Variants in USP3 observed in about 807,000 individuals in gnomAD.
USP3 encodes the protein ubiquitin carboxyl-terminal hydrolase 3.
USP3 carries 20 observed loss-of-function variants against 72.3 expected under a neutral mutation model. That is an observed-to-expected ratio of 0.28 (90% CI 0.19 to 0.40). The LOEUF (loss-of-function observed/expected upper bound fraction) is 0.40, where lower values mean the gene tolerates loss of function less well. Ranked by LOEUF, USP3 falls within the 10% of genes least tolerant of loss-of-function variation. USP3 has a pLI of 1.00. For missense variants in USP3, 479 were observed against 633.9 expected (o/e 0.76, Z 2.62); for synonymous variants, 222 against 225.3 (o/e 0.99, Z 0.13).
intron 1 of USP3, among the ~76,000 whole-genome samples, chr15:63,511,308 C>T (rs1210597797): frequency 4.9e-5 from 4 of 82,412 alleles, no homozygotes; most frequent in Admixed American, 1.5e-4. Flanking sequence ...TATTCAGTAA[C>T]TTAATGCTTG....
At chr15:63,547,816 TAGAG>T (rs138633272) in intron 3 of USP3, among the ~76,000 whole-genome samples, 82 of 19,310 alleles carry the variant, frequency 4.2e-3, no homozygotes, top group East Asian at 0.036. Flanking sequence ...GAGAGAGGCA[TAGAG>T]AGAGAGAGAG....
intron 3 of USP3, among the ~76,000 whole-genome samples, chr15:63,547,866 T>TAGAG (rs112905081): frequency 2.7e-3 from 56 of 20,788 alleles, no homozygotes; most frequent in South Asian, 0.023. Context: ...GAGAGAGGCA[T>TAGAG]AGAGAGAGAG....
intron 1 of USP3, among the ~76,000 whole-genome samples, chr15:63,505,439 G>A (rs906102936): frequency 8.5e-5 from 13 of 152,334 alleles, no homozygotes; most frequent in Non-Finnish European, 1.5e-4. Context: ...TCTTTCATCC[G>A]TCAGGGATGG....
Position 63,588,905 on chromosome 15 carries a change from G to A in USP3, c.1330-39G>A, listed in dbSNP as rs1211362409. The A allele has an allele frequency of 6.2e-7, 1 of 1,612,972 alleles. No homozygotes were observed. The highest frequency in any genetic ancestry group is 8.5e-7 in the Non-Finnish European group (1 of 1,178,954). Reference sequence around the variant, plus strand: ...AGAGGGTAGAGGTCATCGAGATACTGATGTCATTGACCACTGCTCCTTCTT... The same window carrying A: ...AGAGGGTAGAGGTCATCGAGATACTAATGTCATTGACCACTGCTCCTTCTT... On this transcript the variant is annotated intron_variant, in intron 13 of 14. Coordinates refer to ENST00000380324, the MANE Select transcript of USP3 (RefSeq NM_006537.4). The surrounding 1 kb of genome is among the most constrained non-coding windows in gnomAD (Gnocchi z 4.6).
chr15:63,536,983 C>G, intron 2 of USP3, 42 bp from the exon 3 acceptor site: 1 of 1,573,618 alleles, frequency 6.4e-7, no homozygotes, highest in Non-Finnish European at 8.6e-7. Flanking sequence ...CTTTAATTTC[C>G]AAAGCAATAT....
At position 63,527,103 on chromosome 15, in the gene USP3, C is replaced by T. The variant is rs536010976; in HGVS notation, c.92-5544C>T. Among the ~76,000 whole-genome samples the T allele has an allele frequency of 1.7e-4, 26 of 152,248 alleles. No homozygotes were observed. In the South Asian group the frequency reaches 5.4e-3, roughly 32 times the overall value. ...GTAGATATGGGGTTTCCCTGTGTTG[C>T]CCGGGCTGGTCTTGAACTCCTGGGC... On this transcript the variant is annotated intron_variant, in intron 1 of 14. Transcript: ENST00000380324.
intron 4 of USP3, among the ~76,000 whole-genome samples, chr15:63,556,131 T>C (rs1053402959): frequency 2.0e-5 from 3 of 152,252 alleles, no homozygotes; most frequent in African/African-American, 7.2e-5. Context: ...TAGAATGTCC[T>C]TTGGAGCGTA....
At position 63,588,435 on chromosome 15, in the gene USP3, A is replaced by G; in HGVS notation, c.1215+12A>G. The G allele has an allele frequency of 1.3e-6, 2 of 1,569,766 alleles. No individual in the cohort carries two copies. The highest frequency in any genetic ancestry group is 2.2e-5 in the East Asian group (1 of 44,636). ...AAAAACTACCCAAGGTGAGTGTTGA[A>G]TTTTGAGTTATGAAGCAATTTCAAT... is the stretch of plus-strand genomic sequence containing the variant. On this transcript the variant is annotated intron_variant, in intron 12 of 14. Coordinates refer to ENST00000380324, the MANE Select transcript of USP3 (RefSeq NM_006537.4). The surrounding 1 kb of genome is among the most constrained non-coding windows in gnomAD (Gnocchi z 4.6).
chr15:63,522,973 G>A (rs760126013), intron 1 of USP3, among the ~76,000 whole-genome samples: 1 of 152,128 alleles, frequency 6.6e-6, no homozygotes, highest in Non-Finnish European at 1.5e-5. Flanking sequence ...GTACTTAAAT[G>A]TTTTACCTGA....
rs1014728253 is a variant in USP3 at position 63,569,231 on chromosome 15, G to A, written c.762-1202G>A. ...TAAGGTACCTCCTTAGATATACAAA[G>A]GAACTACCAACTTTGAATGCTTTTG... On this transcript the variant is annotated intron_variant, in intron 8 of 14. Transcript: ENST00000380324. Among the ~76,000 whole-genome samples, 4 of 152,100 alleles carry A rather than the reference G, an allele frequency of 2.6e-5. No homozygotes were observed. In the East Asian group the frequency reaches 7.7e-4, roughly 29 times the overall value.
chr15:63,547,742 GA>G (rs1353186133), intron 3 of USP3, among the ~76,000 whole-genome samples: 4 of 10,144 alleles, frequency 3.9e-4, no homozygotes, highest in Non-Finnish European at 1.0e-3. Flanking sequence ...GAGAGAGAGA[GA>G]GGGAGGGAGG....
chr15:63,512,326 TTCC>T (rs1567089020), intron 1 of USP3, among the ~76,000 whole-genome samples: 3 of 121,424 alleles, frequency 2.5e-5, no homozygotes, highest in African/African-American at 6.1e-5. Flanking sequence ...CTTCCTCTTC[TTCC>T]TCTTCCTCCT....
At chr15:63,568,764 A>T (rs2066733855) in intron 8 of USP3, among the ~76,000 whole-genome samples, 1 of 152,222 alleles carries the variant, frequency 6.6e-6, no homozygotes, top group African/African-American at 2.4e-5. Flanking sequence ...AATTAGAAAA[A>T]GTTCCAGTCT....
chr15:63,530,608 T>C (rs1335200212), intron 1 of USP3: 2 of 435,772 alleles, frequency 4.6e-6, no homozygotes, highest in Admixed American at 2.6e-5. Flanking sequence ...CCAGTGCACC[T>C]GGCCCCAAAG....
intron 11 of USP3, among the ~76,000 whole-genome samples, chr15:63,582,542 T>C (rs896144731): frequency 2.0e-5 from 3 of 152,330 alleles, no homozygotes; most frequent in African/African-American, 7.2e-5. Flanking sequence ...AATCATCTTA[T>C]GGGCCTGACC....
intron 3 of USP3, among the ~76,000 whole-genome samples, chr15:63,545,760 C>T (rs1386974822): frequency 6.6e-6 from 1 of 151,728 alleles, no homozygotes; most frequent in East Asian, 1.9e-4. Flanking sequence ...GCTTTGAGCC[C>T]AAGAGTTCGA....
At chr15:63,554,898 A>C (rs530853231) in intron 4 of USP3, among the ~76,000 whole-genome samples, 1 of 152,252 alleles carries the variant, frequency 6.6e-6, no homozygotes, top group East Asian at 1.9e-4. Flanking sequence ...AGTCCTATCT[A>C]GGATTAGAGA....
intron 1 of USP3, among the ~76,000 whole-genome samples, chr15:63,531,669 A>G (rs541185456): frequency 1.3e-5 from 2 of 152,230 alleles, no homozygotes; most frequent in East Asian, 1.9e-4. Flanking sequence ...CTTGGAAGAG[A>G]TGGGTATCCT....
intron 3 of USP3, among the ~76,000 whole-genome samples, chr15:63,538,703 T>A (rs992738170): frequency 1.3e-5 from 2 of 151,858 alleles, no homozygotes; most frequent in African/African-American, 4.8e-5. Flanking sequence ...CTGCCACCAC[T>A]CCCGGCTAAT....
Sources: gnomAD v4.1 joint callset for allele counts (sites outside exome capture counted in the v4.1 genomes callset) on GRCh38, gnomAD v4.1.1 for gene constraint, Gnocchi (gnomAD v3.1) non-coding constraint, MANE v1.5 for transcripts, NCBI Gene and HGNC (gene_info 2026-07-23, HGNC 2026-07-21) for gene names.